The following TBC1D22A variants were observed in gnomAD, a reference collection of about 807,000 sequenced individuals.
TBC1D22A encodes the protein TBC1 domain family member 22A.
A neutral mutation model predicts 60.2 loss-of-function variants in TBC1D22A; 38 were observed. The ratio of observed to expected loss-of-function variants is 0.63; its 90% CI spans 0.49 to 0.83. TBC1D22A has a LOEUF of 0.83. TBC1D22A is among the 40% of genes least tolerant of loss of function. The pLI, the probability that TBC1D22A is intolerant of heterozygous loss-of-function variation, is 0.00. For synonymous variants in TBC1D22A, 302 were observed against 281.7 expected (o/e 1.07, Z -0.72); for missense variants, 628 against 701.0 (o/e 0.90, Z 1.18).
At chr22:47,038,230 C>T (rs1446353925) in intron 11 of TBC1D22A, among the ~76,000 whole-genome samples, 1 of 152,208 alleles carries the variant, frequency 6.6e-6, no homozygotes, top group Non-Finnish European at 1.5e-5. Context: ...CATCCCGGCA[C>T]CTCAAGAGCC....
chr22:46,965,535 C>A (rs539279377), intron 8 of TBC1D22A, among the ~76,000 whole-genome samples: 2 of 152,356 alleles, frequency 1.3e-5, no homozygotes, highest in East Asian at 3.9e-4. Flanking sequence ...TCCGGAGCAG[C>A]AAATGGAGAA....
intron 11 of TBC1D22A, among the ~76,000 whole-genome samples, chr22:47,104,735 T>C (rs1407184224): frequency 6.6e-6 from 1 of 151,682 alleles, no homozygotes; most frequent in Admixed American, 6.6e-5. Context: ...AACATTTCTC[T>C]CTATTGTCTC....
intron 4 of TBC1D22A, among the ~76,000 whole-genome samples, chr22:46,867,129 C>T (rs137974828): frequency 8.7e-4 from 133 of 152,286 alleles, no homozygotes; most frequent in Non-Finnish European, 1.3e-3. Flanking sequence ...AATTCAGCTA[C>T]GTGACCAAGT....
At chr22:47,094,078 A>T (rs1603261257) in intron 11 of TBC1D22A, among the ~76,000 whole-genome samples, 1 of 152,206 alleles carries the variant, frequency 6.6e-6, no homozygotes, top group Non-Finnish European at 1.5e-5. Context: ...CTTGGCATCT[A>T]GCTGTCTGGA....
intron 9 of TBC1D22A, among the ~76,000 whole-genome samples, chr22:46,980,017 G>A (rs193183899): frequency 4.6e-5 from 7 of 152,064 alleles, no homozygotes; most frequent in African/African-American, 1.7e-4. Context: ...GAAGGAGTGC[G>A]CCGGGAATAA....
intron 12 of TBC1D22A, among the ~76,000 whole-genome samples, chr22:47,159,992 CCA>C (rs1423528909): frequency 2.0e-5 from 3 of 151,842 alleles, no homozygotes; most frequent in African/African-American, 4.8e-5. Context: ...CACACACACC[CCA>C]CACACACACT....
intron 10 of TBC1D22A, among the ~76,000 whole-genome samples, chr22:47,005,753 C>T (rs1356145524): frequency 6.6e-6 from 1 of 151,434 alleles, no homozygotes; most frequent in Non-Finnish European, 1.5e-5. Flanking sequence ...CTCCCGTATA[C>T]ACACACACAC....
chr22:46,768,703 A>G (rs1210632929), intron 1 of TBC1D22A, among the ~76,000 whole-genome samples: 1 of 152,070 alleles, frequency 6.6e-6, no homozygotes, highest in Non-Finnish European at 1.5e-5. Flanking sequence ...TGTGGGTCTG[A>G]TGTTTGCTAT....
At chr22:46,902,521 C>T (rs149054680) in intron 7 of TBC1D22A, among the ~76,000 whole-genome samples, 20 of 152,338 alleles carry the variant, frequency 1.3e-4, no homozygotes, top group South Asian at 2.1e-4. Flanking sequence ...ATCCTTAGGG[C>T]GTCCTTCCTT....
At chr22:47,129,969 T>C (rs561452488) in intron 12 of TBC1D22A, among the ~76,000 whole-genome samples, 1 of 152,308 alleles carries the variant, frequency 6.6e-6, no homozygotes, top group Admixed American at 6.5e-5. Flanking sequence ...GAATTAGGCT[T>C]CCTTACCCTG....
At chr22:46,935,942 T>C (rs558564758) in intron 8 of TBC1D22A, among the ~76,000 whole-genome samples, 1 of 152,056 alleles carries the variant, frequency 6.6e-6, no homozygotes, top group African/African-American at 2.4e-5. Context: ...TTTGCTGTTG[T>C]GCTGTCTCCT....
chr22:47,133,817 T>G (rs747406825), intron 12 of TBC1D22A, among the ~76,000 whole-genome samples: 3 of 152,164 alleles, frequency 2.0e-5, no homozygotes, highest in African/African-American at 7.2e-5. Flanking sequence ...CAGCAGCGGC[T>G]TCAGGCTGGC....
rs537875874 is a variant in TBC1D22A, at chr22:47,094,328, T to C, written c.1330-17180T>C. On this transcript the variant is annotated intron_variant, in intron 11 of 12. Transcript: ENST00000337137. ...TTGGGTGGGTTTCAAGGCTAACATTTAAGTCAGGGGACTTTGCATAAAGCG... is the reference window on the plus strand; with the variant it reads ...TTGGGTGGGTTTCAAGGCTAACATTCAAGTCAGGGGACTTTGCATAAAGCG... 1.4e-4 allele frequency among the ~76,000 whole-genome samples: 22 copies of C among 152,364 alleles called. No individual in the cohort carries two copies. In the East Asian group the frequency reaches 2.3e-3, roughly 16 times the overall value.
At chr22:46,763,948 G>A (rs2083198742) in intron 1 of TBC1D22A, 1 of 152,202 alleles carries the variant, frequency 6.6e-6, no homozygotes, top group African/African-American at 2.4e-5. Flanking sequence ...TACAAAATTA[G>A]CTGGGCATGG....
intron 7 of TBC1D22A, among the ~76,000 whole-genome samples, chr22:46,902,024 T>A (rs1489412290): frequency 1.3e-5 from 2 of 152,258 alleles, no homozygotes; most frequent in Non-Finnish European, 2.9e-5. Context: ...AGCTCCCTCG[T>A]GTGCACTGAA....
intron 4 of TBC1D22A, among the ~76,000 whole-genome samples, chr22:46,812,442 G>A (rs1221730496): frequency 2.0e-5 from 3 of 152,218 alleles, no homozygotes; most frequent in Non-Finnish European, 2.9e-5. Flanking sequence ...CAGATGTGAG[G>A]CTGGCATTTG....
intron 10 of TBC1D22A, among the ~76,000 whole-genome samples, chr22:47,012,427 G>A (rs544990007): frequency 1.3e-5 from 2 of 152,130 alleles, no homozygotes; most frequent in African/African-American, 4.8e-5. Context: ...GAGGTCCCCA[G>A]GCACCAGGGG....
chr22:47,057,838 ACAGT>A (rs1295923215), intron 11 of TBC1D22A, among the ~76,000 whole-genome samples: 4 of 152,230 alleles, frequency 2.6e-5, no homozygotes, highest in Non-Finnish European at 5.9e-5. Context: ...GGGTTGGGAC[ACAGT>A]CAGACCACAT....
At chr22:47,056,165 G>C (rs1221462168) in intron 11 of TBC1D22A, among the ~76,000 whole-genome samples, 2 of 152,062 alleles carry the variant, frequency 1.3e-5, no homozygotes, top group African/African-American at 4.8e-5. Flanking sequence ...GTGTGTGTGG[G>C]TGGTGGGCCG....
Sources: allele counts gnomAD v4.1 joint callset (sites outside exome capture counted in the v4.1 genomes callset), GRCh38; gene constraint gnomAD v4.1.1; transcripts MANE v1.5; gene names NCBI Gene and HGNC (gene_info 2026-07-23, HGNC 2026-07-21).